CERT1: variants seen among roughly 807,000 people sequenced by gnomAD.
CERT1 encodes the protein ceramide transporter 1.
A neutral mutation model predicts 87.9 loss-of-function variants in CERT1; 31 were observed. The ratio of observed to expected loss-of-function variants is 0.35; its 90% CI spans 0.27 to 0.48. The LOEUF (loss-of-function observed/expected upper bound fraction) is 0.48. Ranked by LOEUF, CERT1 falls within the 20% of genes least tolerant of loss-of-function variation. The probability of loss-of-function intolerance (pLI) is 0.99; values close to 1 mark genes in which losing one functional copy is unlikely to be tolerated. For synonymous variants in CERT1, 289 were observed against 250.9 expected (o/e 1.15, Z -1.44); for missense variants, 487 against 758.0 (o/e 0.64, Z 4.20).
intron 6 of CERT1, 52 bp downstream of exon 6, chr5:75,419,289 T>A (rs2112159016): frequency 8.3e-7 from 1 of 1,198,582 alleles, no homozygotes; most frequent in East Asian, 2.4e-5. Context: ...AGTTGTTACA[T>A]AACTTCTGAA....
At chr5:75,488,241 G>A (rs1236849888) in intron 2 of CERT1, among the ~76,000 whole-genome samples, 4 of 151,970 alleles carry the variant, frequency 2.6e-5, no homozygotes, top group African/African-American at 9.7e-5. Flanking sequence ...AGCTTGTGGT[G>A]GATGCTGCAT....
intron 2 of CERT1, among the ~76,000 whole-genome samples, chr5:75,480,422 T>C (rs986069734): frequency 3.9e-5 from 6 of 152,316 alleles, no homozygotes; most frequent in Non-Finnish European, 2.9e-5. Context: ...ATCAGACATT[T>C]GAAGAAAACC....
At chr5:75,491,879 A>G (rs1297598700) in intron 2 of CERT1, among the ~76,000 whole-genome samples, 1 of 152,178 alleles carries the variant, frequency 6.6e-6, no homozygotes, top group Non-Finnish European at 1.5e-5. Flanking sequence ...CAGTTTAAAG[A>G]GTTAAATCAT....
chr5:75,428,401 G>A (rs369166981), intron 3 of CERT1, among the ~76,000 whole-genome samples: 33 of 152,242 alleles, frequency 2.2e-4, no homozygotes, highest in African/African-American at 6.7e-4. Context: ...ATAGTTGGCC[G>A]GGTGCGGTGG....
At chr5:75,395,313 G>T (rs1762202844) in intron 11 of CERT1, among the ~76,000 whole-genome samples, 4 of 152,052 alleles carry the variant, frequency 2.6e-5, no homozygotes, top group African/African-American at 9.7e-5. Context: ...TTATTTTCTA[G>T]TTTGTGGCCA....
At chr5:75,470,238 GAATAT>G (rs775382748) in intron 2 of CERT1, among the ~76,000 whole-genome samples, 1 of 152,090 alleles carries the variant, frequency 6.6e-6, no homozygotes, top group Non-Finnish European at 1.5e-5. Flanking sequence ...TTCAGTTGCA[GAATAT>G]ATTATTCTTC....
At chr5:75,466,610 C>T (rs1046073498) in intron 2 of CERT1, among the ~76,000 whole-genome samples, 2 of 152,162 alleles carry the variant, frequency 1.3e-5, no homozygotes, top group South Asian at 2.1e-4. Flanking sequence ...CTCTGAGTTC[C>T]GGAAGTACTC....
intron 3 of CERT1, among the ~76,000 whole-genome samples, chr5:75,455,417 C>A (rs1205306499): frequency 6.6e-6 from 1 of 152,102 alleles, no homozygotes. Context: ...AAACTTATTT[C>A]TTATTGGTAA....
Position 75,511,322 on chromosome 5 carries a change from C to G in CERT1, c.-115G>C, listed in dbSNP as rs1240577475. On this transcript the variant is annotated 5_prime_UTR_variant, in exon 1 of 17. Transcript: ENST00000643780. ...ATGGCGAAGCGAAGAGTGCCCGCTC[C>G]GGTGTGGGGGGGAGCAGGAGGAGGG... 2 of 1,547,370 alleles carry G rather than the reference C, an allele frequency of 1.3e-6. No homozygotes were observed. The highest frequency in any genetic ancestry group is 1.7e-6 in the Non-Finnish European group (2 of 1,146,554).
At chr5:75,389,394 T>TA (rs1441396714) in intron 12 of CERT1, among the ~76,000 whole-genome samples, 198 bp downstream of exon 12, 1 of 152,198 alleles carries the variant, frequency 6.6e-6, no homozygotes, top group East Asian at 1.9e-4. Flanking sequence ...ATTATAATCA[T>TA]AAAAACCTTT....
intron 8 of CERT1, among the ~76,000 whole-genome samples, chr5:75,406,727 T>C (rs1762720465): frequency 6.6e-6 from 1 of 152,090 alleles, no homozygotes; most frequent in Non-Finnish European, 1.5e-5. Context: ...GTATTTTTAG[T>C]AGAGAGGGCG....
intron 12 of CERT1, among the ~76,000 whole-genome samples, chr5:75,387,009 A>C (rs1335799754): frequency 7.9e-5 from 12 of 152,102 alleles, no homozygotes; most frequent in Admixed American, 7.9e-4. Flanking sequence ...CTGGGATTAC[A>C]GGCGCCTGCC....
Position 75,497,843 on chromosome 5 carries a change from G to A in CERT1, c.231+8139C>T, listed in dbSNP as rs896933882. 5.9e-5 allele frequency among the ~76,000 whole-genome samples: 9 copies of A among 152,130 alleles called. No individual in the cohort carries two copies. The South Asian group carries it at 8.3e-4, about 14-fold the overall frequency. ...GTGGGGTGCTGCTATAAGGATACCC[G>A]AAAATGTGGAAGCAACTCTGGAATT... On this transcript the variant is annotated intron_variant, in intron 2 of 16. Transcript: ENST00000643780.
intron 3 of CERT1, among the ~76,000 whole-genome samples, chr5:75,441,313 T>A (rs1352986562): frequency 6.6e-6 from 1 of 152,194 alleles, no homozygotes; most frequent in Non-Finnish European, 1.5e-5. Context: ...TAATAGACTA[T>A]ACCATCTATA....
At chr5:75,456,116 T>C (rs1764971482) in intron 3 of CERT1, among the ~76,000 whole-genome samples, 1 of 152,088 alleles carries the variant, frequency 6.6e-6, no homozygotes, top group African/African-American at 2.4e-5. Flanking sequence ...TACTGAAGAA[T>C]GAATCAAGAA....
At chr5:75,385,340 G>C (rs981626015) in intron 13 of CERT1, among the ~76,000 whole-genome samples, 25 of 152,188 alleles carry the variant, frequency 1.6e-4, no homozygotes, top group South Asian at 6.2e-4. Context: ...GGGCGTGATG[G>C]TGTGCGCCTG....
At position 75,506,120 on chromosome 5, in the gene CERT1, G is replaced by C. The variant is rs1231328251; in HGVS notation, c.97-4C>G. 3.1e-6 allele frequency: 5 copies of C among 1,611,988 alleles called. No individual in the cohort carries two copies. The highest frequency in any genetic ancestry group is 2.5e-6 in the Non-Finnish European group (3 of 1,178,826). On this transcript the variant is annotated splice_polypyrimidine_tract_variant and splice_region_variant and intron_variant, in intron 1 of 16. Transcript: ENST00000643780. ...ACCCATGAATGTAGTTTGTCCACTG[G>C]GAGTGGGAAGGGGAAGGGAAGAGAG... is the stretch of plus-strand genomic sequence containing the variant.
intron 6 of CERT1, among the ~76,000 whole-genome samples, chr5:75,418,160 A>G (rs1343511439): frequency 6.6e-6 from 1 of 152,012 alleles, no homozygotes; most frequent in Admixed American, 6.6e-5. Flanking sequence ...CTGTCTCAAA[A>G]TAATAATAAT....
chr5:75,374,428 C>G (rs540415013), downstream of CERT1: 1 of 552,504 alleles, frequency 1.8e-6, no homozygotes, highest in African/African-American at 1.9e-5. Context: ...GAAAAAAAAA[C>G]GGGAACAGTC....
Sources: allele counts gnomAD v4.1 joint callset (sites outside exome capture counted in the v4.1 genomes callset), GRCh38; gene constraint gnomAD v4.1.1; transcripts MANE v1.5; gene names NCBI Gene and HGNC (gene_info 2026-07-23, HGNC 2026-07-21).